HPSE2: variants seen among roughly 807,000 people sequenced by gnomAD.
HPSE2 encodes the protein inactive heparanase-2.
HPSE2 carries 38 observed loss-of-function variants against 60.5 expected under a neutral mutation model. The observed-to-expected ratio is 0.63, with a 90% CI of 0.48 to 0.82. The LOEUF (loss-of-function observed/expected upper bound fraction) is 0.82, where lower values mean the gene tolerates loss of function less well. HPSE2 is among the 40% of genes least tolerant of loss of function. The pLI is 0.00. For missense variants in HPSE2, 713 were observed against 740.4 expected, an observed-to-expected ratio of 0.96 and a Z score of 0.43; for synonymous variants, 295 against 293.2, an observed-to-expected ratio of 1.01 and a Z score of -0.06.
At chr10:98,694,725 T>C (rs946479745) in intron 5 of HPSE2, among the ~76,000 whole-genome samples, 1 of 152,180 alleles carries the variant, frequency 6.6e-6, no homozygotes, top group Non-Finnish European at 1.5e-5. Context: ...ATAAATTGCA[T>C]GTTTGTGAAT....
intron 2 of HPSE2, among the ~76,000 whole-genome samples, chr10:99,173,492 A>G (rs1847397370): frequency 6.6e-6 from 1 of 152,218 alleles, no homozygotes; most frequent in Admixed American, 6.5e-5. Context: ...GGAGAAGCCA[A>G]GAGAAGTGAT....
At chr10:98,509,954 G>C (rs1942333652) in intron 9 of HPSE2, among the ~76,000 whole-genome samples, 1 of 150,232 alleles carries the variant, frequency 6.7e-6, no homozygotes, top group Non-Finnish European at 1.5e-5. Flanking sequence ...CTCTGCCAGG[G>C]ACACACACAC....
intron 3 of HPSE2, among the ~76,000 whole-genome samples, chr10:98,777,298 T>C (rs1298559323): frequency 6.6e-6 from 1 of 152,148 alleles, no homozygotes; most frequent in Admixed American, 6.6e-5. Context: ...CTAAAAGCTA[T>C]ATATAGAAGT....
chr10:98,628,871 T>G (rs561936536), intron 7 of HPSE2, among the ~76,000 whole-genome samples: 34 of 152,086 alleles, frequency 2.2e-4, no homozygotes, highest in Admixed American at 1.7e-3. Flanking sequence ...CAGCCTGGAT[T>G]TTTTAGTTTA....
chr10:99,005,888 T>C (rs1210052123), intron 3 of HPSE2, among the ~76,000 whole-genome samples: 1 of 152,106 alleles, frequency 6.6e-6, no homozygotes, highest in Non-Finnish European at 1.5e-5. Flanking sequence ...CATAGGTGGG[T>C]TTACTGCTGG....
intron 3 of HPSE2, among the ~76,000 whole-genome samples, chr10:98,834,693 T>G (rs2134666962): frequency 6.6e-6 from 1 of 152,240 alleles, no homozygotes; most frequent in Middle Eastern, 3.4e-3. Context: ...ATCTGTGAGG[T>G]CCTTACATTT....
chr10:98,478,995 C>G (rs754654363), intron 11 of HPSE2, among the ~76,000 whole-genome samples: 4 of 152,158 alleles, frequency 2.6e-5, no homozygotes, highest in Non-Finnish European at 5.9e-5. Flanking sequence ...CTAGACCATA[C>G]ATAAATAGTG....
intron 2 of HPSE2, among the ~76,000 whole-genome samples, chr10:99,219,943 T>C (rs1001147997): frequency 3.3e-5 from 5 of 152,166 alleles, no homozygotes; most frequent in African/African-American, 1.2e-4. Flanking sequence ...ATGAGATGAG[T>C]AATATTCAAA....
chr10:98,776,275 A>G (rs1404184292), intron 3 of HPSE2, among the ~76,000 whole-genome samples: 1 of 69,534 alleles, frequency 1.4e-5, no homozygotes, highest in Non-Finnish European at 3.7e-5. Flanking sequence ...TCTACTAAAA[A>G]TACAAAAAAA....
chr10:98,814,217 G>T (rs1413473333), intron 3 of HPSE2, among the ~76,000 whole-genome samples: 1 of 149,780 alleles, frequency 6.7e-6, no homozygotes, highest in East Asian at 1.9e-4. Flanking sequence ...TAATAAAATT[G>T]AAAAAAAAAT....
chr10:98,922,309 G>A (rs540379414), intron 3 of HPSE2, among the ~76,000 whole-genome samples: 1 of 152,208 alleles, frequency 6.6e-6, no homozygotes, highest in South Asian at 2.1e-4. Flanking sequence ...CAGGGGAGCT[G>A]GACTGGGAAA....
intron 3 of HPSE2, among the ~76,000 whole-genome samples, chr10:98,804,571 C>G (rs564147164): frequency 6.9e-4 from 105 of 152,172 alleles, no homozygotes; most frequent in Non-Finnish European, 1.2e-3. Context: ...CAAATGAAAA[C>G]TACAATGAGA....
the HPSE2 span, among the ~76,000 whole-genome samples, chr10:99,284,990 A>C: frequency 6.6e-6 from 1 of 152,204 alleles, no homozygotes; most frequent in Non-Finnish European, 1.5e-5. Context: ...ACTATTCAGA[A>C]TATATAACGA....
intron 3 of HPSE2, among the ~76,000 whole-genome samples, chr10:98,843,184 C>T (rs1485907802): frequency 1.3e-5 from 2 of 151,914 alleles, no homozygotes; most frequent in African/African-American, 4.8e-5. Flanking sequence ...TACTCTTCCT[C>T]CTCCTCCTCC....
intron 6 of HPSE2, among the ~76,000 whole-genome samples, chr10:98,655,401 T>C (rs548079): frequency 0.2 from 30,217 of 152,108 alleles, 3,329 homozygotes; most frequent in East Asian, 0.33. Flanking sequence ...CAGCAATTCA[T>C]GGGAATTACC....
At chr10:99,132,988 G>A (rs548216975) in intron 3 of HPSE2, among the ~76,000 whole-genome samples, 49 of 152,282 alleles carry the variant, frequency 3.2e-4, no homozygotes, top group South Asian at 2.3e-3. Context: ...AAGATCCACT[G>A]GCTTGAAAAT....
At chr10:99,173,943 CA>C (rs61074165) in intron 2 of HPSE2, among the ~76,000 whole-genome samples, 265 of 99,902 alleles carry the variant, frequency 2.7e-3, no homozygotes, top group African/African-American at 0.012. Context: ...GACTCTGTCT[CA>C]AAAAAAAAAA....
intron 9 of HPSE2, among the ~76,000 whole-genome samples, chr10:98,493,452 T>G (rs1003512109): frequency 3.9e-5 from 6 of 152,206 alleles, no homozygotes; most frequent in Non-Finnish European, 8.8e-5. Flanking sequence ...CTGGCAACTT[T>G]CACTTCATAT....
intron 6 of HPSE2, among the ~76,000 whole-genome samples, chr10:98,647,573 T>C (rs1946806063): frequency 6.6e-6 from 1 of 152,138 alleles, no homozygotes; most frequent in Non-Finnish European, 1.5e-5. Flanking sequence ...GGGGAGAAGC[T>C]TGGATAATCA....
Sources: allele counts gnomAD v4.1 joint callset (sites outside exome capture counted in the v4.1 genomes callset), GRCh38; gene constraint gnomAD v4.1.1; transcripts MANE v1.5; gene names NCBI Gene and HGNC (gene_info 2026-07-23, HGNC 2026-07-21).